PRDM5: variants seen among roughly 807,000 people sequenced by gnomAD.
PRDM5 encodes the protein PR/SET domain 5, also known as PR domain zinc finger protein 5.
Under a neutral mutation model 81.2 loss-of-function variants are expected in PRDM5, and 56 were observed. The ratio of observed to expected loss-of-function variants is 0.69; its 90% CI spans 0.56 to 0.86. PRDM5 has a LOEUF of 0.86. Ranked by LOEUF, PRDM5 falls within the 40% of genes least tolerant of loss-of-function variation. PRDM5 has a pLI of 0.00. For synonymous variants in PRDM5, 267 were observed against 256.4 expected (o/e 1.04, Z -0.39); for missense variants, 697 against 770.1 (o/e 0.91, Z 1.12).
At chr4:120,763,580 G>T (rs1205597253) in intron 13 of PRDM5, among the ~76,000 whole-genome samples, 1 of 152,286 alleles carries the variant, frequency 6.6e-6, no homozygotes, top group South Asian at 2.1e-4. Context: ...TTCCATGAGT[G>T]TTCCACACTG....
intron 3 of PRDM5, among the ~76,000 whole-genome samples, chr4:120,844,615 T>C (rs1304420750): frequency 6.6e-6 from 1 of 152,072 alleles, no homozygotes; most frequent in East Asian, 1.9e-4. Flanking sequence ...CAGTAGCCCT[T>C]CCCCCATCTC....
chr4:120,920,679 A>G (rs1015843813), intron 1 of PRDM5, among the ~76,000 whole-genome samples: 3 of 152,208 alleles, frequency 2.0e-5, no homozygotes, highest in African/African-American at 7.2e-5. Flanking sequence ...GTGACTGAAT[A>G]TTTTGGGATC....
At chr4:120,887,048 C>T (rs532325407) in intron 2 of PRDM5, among the ~76,000 whole-genome samples, 6 of 151,926 alleles carry the variant, frequency 3.9e-5, no homozygotes, top group South Asian at 2.1e-4. Flanking sequence ...TGGGTTCAAG[C>T]GATTTTCCTG....
intron 2 of PRDM5, among the ~76,000 whole-genome samples, chr4:120,865,971 C>A (rs989703808): frequency 8.6e-5 from 13 of 151,896 alleles, no homozygotes; most frequent in African/African-American, 2.9e-4. Context: ...AATCAATGAT[C>A]CACCATTTGA....
chr4:120,786,315 T>C (rs537089288), intron 10 of PRDM5, among the ~76,000 whole-genome samples: 2 of 152,106 alleles, frequency 1.3e-5, no homozygotes, highest in Non-Finnish European at 2.9e-5. Flanking sequence ...TATTTAAGAT[T>C]AGTCAGGATA....
At chr4:120,706,560 T>C (rs1406825561) in intron 15 of PRDM5, among the ~76,000 whole-genome samples, 1 of 151,952 alleles carries the variant, frequency 6.6e-6, no homozygotes, top group East Asian at 1.9e-4. Context: ...AATATCTGCC[T>C]AGGGTTCAAA....
intron 7 of PRDM5, among the ~76,000 whole-genome samples, chr4:120,813,320 T>C (rs559319781): frequency 2.0e-5 from 3 of 152,282 alleles, no homozygotes; most frequent in Admixed American, 1.3e-4. Flanking sequence ...AGTAAGCATA[T>C]AGTATAATGA....
chr4:120,886,949 T>C (rs1164565342), intron 2 of PRDM5, among the ~76,000 whole-genome samples: 1 of 142,430 alleles, frequency 7.0e-6, no homozygotes, highest in Non-Finnish European at 1.6e-5. Context: ...TTCTCTTTCT[T>C]TTTTTTTTTT....
At chr4:120,684,434 C>T (rs1239616283), downstream of PRDM5, among the ~76,000 whole-genome samples, 1 of 151,970 alleles carries the variant, frequency 6.6e-6, no homozygotes, top group Non-Finnish European at 1.5e-5. Context: ...CCTGGAGTCT[C>T]TAACGATAGC....
chr4:120,833,932 A>G (rs1757030712), intron 3 of PRDM5, among the ~76,000 whole-genome samples: 1 of 152,200 alleles, frequency 6.6e-6, no homozygotes, highest in Admixed American at 6.5e-5. Context: ...CCTAAACAAA[A>G]TAATATTAGT....
intron 3 of PRDM5, among the ~76,000 whole-genome samples, chr4:120,826,132 A>C (rs771845822): frequency 1.3e-5 from 2 of 152,106 alleles, no homozygotes; most frequent in Non-Finnish European, 2.9e-5. Flanking sequence ...CGACTCCAAC[A>C]GCTTACCAAG....
Position 120,763,147 on chromosome 4 carries a change from A to C in PRDM5, c.1538-8509T>G, listed in dbSNP as rs1351909490. Among the ~76,000 whole-genome samples the C allele has an allele frequency of 2.0e-5, 3 of 152,130 alleles. No homozygotes were observed. In the East Asian group the frequency reaches 5.8e-4, roughly 29 times the overall value. ...CTCCCTCATTTCTGAAGAGATGCCAACTCAAAGGACATGAGGTTCATTGGG... is the reference window on the plus strand; with the variant it reads ...CTCCCTCATTTCTGAAGAGATGCCACCTCAAAGGACATGAGGTTCATTGGG... On this transcript the variant is annotated intron_variant, in intron 13 of 15. Transcript: ENST00000264808.
chr4:120,902,116 G>T (rs147747160), intron 2 of PRDM5, among the ~76,000 whole-genome samples: 1 of 152,176 alleles, frequency 6.6e-6, no homozygotes. Flanking sequence ...CTTTTGAAAT[G>T]GAAAGAAAGG....
At chr4:120,722,737 T>C (rs901720988) in intron 14 of PRDM5, among the ~76,000 whole-genome samples, 1 of 152,160 alleles carries the variant, frequency 6.6e-6, no homozygotes, top group Non-Finnish European at 1.5e-5. Flanking sequence ...GCTTAGAGCA[T>C]GCGACCTGGC....
chr4:120,684,380 T>C (rs1438535121), downstream of PRDM5, among the ~76,000 whole-genome samples: 6 of 151,996 alleles, frequency 3.9e-5, no homozygotes, highest in Non-Finnish European at 7.4e-5. Flanking sequence ...TTGGACCAGT[T>C]CCATGAACAT....
intron 2 of PRDM5, among the ~76,000 whole-genome samples, chr4:120,886,610 A>G (rs368872990): frequency 6.2e-4 from 94 of 152,308 alleles, no homozygotes; most frequent in African/African-American, 2.1e-3. Flanking sequence ...ACCTTTAAGT[A>G]ACTTATTTTT....
intron 10 of PRDM5, 84 bp from the exon 11 acceptor site, chr4:120,785,175 G>C: frequency 9.7e-7 from 1 of 1,031,404 alleles, no homozygotes; most frequent in South Asian, 1.3e-5. Context: ...TTCATGATGC[G>C]AAAGAGGAAA....
chr4:120,827,765 G>A (rs186980576), intron 3 of PRDM5, among the ~76,000 whole-genome samples: 126 of 152,150 alleles, frequency 8.3e-4, no homozygotes, highest in South Asian at 5.6e-3. Context: ...AAGGCCTGAG[G>A]CAAAGTACTG....
chr4:120,815,113 T>C (rs1236586382), intron 7 of PRDM5, among the ~76,000 whole-genome samples: 1 of 152,204 alleles, frequency 6.6e-6, no homozygotes, highest in South Asian at 2.1e-4. Context: ...ACTTAAGCTT[T>C]AAAACTGACA....
Sources: allele counts gnomAD v4.1 joint callset (sites outside exome capture counted in the v4.1 genomes callset), GRCh38; gene constraint gnomAD v4.1.1; transcripts MANE v1.5; gene names NCBI Gene and HGNC (gene_info 2026-07-23, HGNC 2026-07-21).